The following PAM variants were observed in gnomAD, a reference collection of about 807,000 sequenced individuals.
PAM encodes the protein peptidyl-glycine alpha-amidating monooxygenase.
Under a neutral mutation model 122.1 loss-of-function variants are expected in PAM, and 72 were observed. The observed-to-expected ratio is 0.59, with a 90% confidence interval of 0.49 to 0.72. The LOEUF is 0.72. Ranked by LOEUF, PAM falls within the 30% of genes least tolerant of loss-of-function variation. The pLI is 0.00. For missense variants in PAM, 1,106 were observed against 1,183.7 expected (o/e 0.93, Z 0.96); for synonymous variants, 389 against 404.4 (o/e 0.96, Z 0.46).
chr5:102,945,862 G>A (rs780660019), intron 7 of PAM, among the ~76,000 whole-genome samples: 2 of 152,092 alleles, frequency 1.3e-5, no homozygotes, highest in Non-Finnish European at 1.5e-5. Context: ...ACTGTCAAAT[G>A]CTTTTATGAT....
chr5:102,789,478 C>T (rs1181018435), intron 1 of PAM, among the ~76,000 whole-genome samples: 1 of 152,060 alleles, frequency 6.6e-6, no homozygotes, highest in Non-Finnish European at 1.5e-5. Context: ...GAAATTCTGA[C>T]ACGTGCTACA....
At position 102,774,543 on chromosome 5, in the gene PAM, A is replaced by G. The variant is rs542474658; in HGVS notation, c.-374+19195A>G. On this transcript the variant is annotated intron_variant, in intron 1 of 25. Coordinates refer to ENST00000438793, the MANE Select transcript of PAM (RefSeq NM_001177306.2). ...AAAGCAGATAGAAAGCAGACATACA[A>G]CAGTAAAAGCCATGTATGATACAGG... 3.9e-5 allele frequency among the ~76,000 whole-genome samples: 6 copies of G among 152,218 alleles called. No individual in the cohort carries two copies. In the South Asian group the frequency reaches 1.2e-3, roughly 32 times the overall value.
chr5:102,786,699 C>T (rs1033293496), intron 1 of PAM, among the ~76,000 whole-genome samples: 3 of 151,998 alleles, frequency 2.0e-5, no homozygotes, highest in East Asian at 1.9e-4. Context: ...GTCAAAGTTG[C>T]GGGTCAGAAA....
intron 1 of PAM, among the ~76,000 whole-genome samples, chr5:102,862,241 G>A (rs1324410974): frequency 6.7e-6 from 1 of 149,906 alleles, no homozygotes; most frequent in East Asian, 1.9e-4. Context: ...TTTTTAAAGG[G>A]GTGCATAGCA....
chr5:102,934,508 T>G (rs969905222), intron 7 of PAM, among the ~76,000 whole-genome samples: 1 of 152,184 alleles, frequency 6.6e-6, no homozygotes, highest in African/African-American at 2.4e-5. Context: ...TTTTCCTTCT[T>G]TATTCTCAAG....
rs1370083307 is a variant in PAM, at chr5:102,947,034, T to C, written c.575+149T>C. ...ATATGTATTGTCTCATTTTCCTGTA[T>C]GTCAGTAATTGGGCACACTTAGCTG... On this transcript the variant is annotated intron_variant, in intron 8 of 25. Transcript: ENST00000438793. 5 of 686,200 alleles carry C rather than the reference T, an allele frequency of 7.3e-6. No individual in the cohort carries two copies. The African/African-American group carries it at 9.0e-5, about 12-fold the overall frequency. 42.5% of individuals were successfully genotyped at this position (686,200 alleles called of 1,614,324 possible).
At chr5:102,990,220 GA>G in intron 15 of PAM, 51 bp from the exon 16 acceptor site, 1 of 1,382,346 alleles carries the variant, frequency 7.2e-7, no homozygotes, top group Non-Finnish European at 9.6e-7. Flanking sequence ...GAATCCTCAT[GA>G]GGCAATTCGA....
chr5:102,985,523 A>G (rs1003403984), intron 15 of PAM, among the ~76,000 whole-genome samples: 1 of 152,062 alleles, frequency 6.6e-6, no homozygotes, highest in Non-Finnish European at 1.5e-5. Flanking sequence ...TCCTGGATGC[A>G]TATAACCTAC....
At chr5:102,845,225 CATGAG>C (rs1244080251) in intron 1 of PAM, among the ~76,000 whole-genome samples, 1 of 152,096 alleles carries the variant, frequency 6.6e-6, no homozygotes, top group East Asian at 1.9e-4. Context: ...GGATGCTGCA[CATGAG>C]ATGAGAGGAG....
At chr5:102,867,445 A>G in intron 3 of PAM, 52 bp downstream of exon 3, 1 of 1,429,622 alleles carries the variant, frequency 7.0e-7, no homozygotes. Flanking sequence ...ACAATCTATA[A>G]TTAAAGTAAG....
chr5:102,890,171 TGC>T (rs1794372119), intron 3 of PAM, among the ~76,000 whole-genome samples: 1 of 151,882 alleles, frequency 6.6e-6, no homozygotes, highest in Non-Finnish European at 1.5e-5. Context: ...TTTGTGCTGG[TGC>T]ATCTAGAGGC....
intron 1 of PAM, among the ~76,000 whole-genome samples, chr5:102,779,902 TATATATATATATATATACACAC>T (rs1225562903): frequency 6.8e-5 from 7 of 103,174 alleles, no homozygotes; most frequent in Admixed American, 6.0e-4. Context: ...TATATATATA[TATATATATATATATATACACAC>T]ATATATATAT....
chr5:102,758,086 T>G (rs1405832295), intron 1 of PAM, among the ~76,000 whole-genome samples: 97 of 43,776 alleles, frequency 2.2e-3, no homozygotes, highest in Non-Finnish European at 3.6e-3. Flanking sequence ...TTTTTTTTTT[T>G]TTTTTTTTTT....
At chr5:102,937,111 T>G (rs966833681) in intron 7 of PAM, among the ~76,000 whole-genome samples, 7 of 152,290 alleles carry the variant, frequency 4.6e-5, no homozygotes, top group African/African-American at 1.7e-4. Flanking sequence ...TTTTCTTAAC[T>G]TTTTCACAAA....
chr5:102,977,091 T>C (rs1250779093), intron 15 of PAM, among the ~76,000 whole-genome samples: 1 of 152,194 alleles, frequency 6.6e-6, no homozygotes, highest in African/African-American at 2.4e-5. Flanking sequence ...GGAACTGTAA[T>C]ATGATGATGA....
At chr5:102,839,814 C>T (rs1778109493) in intron 1 of PAM, among the ~76,000 whole-genome samples, 1 of 152,012 alleles carries the variant, frequency 6.6e-6, no homozygotes, top group South Asian at 2.1e-4. Context: ...ACCAAAAATA[C>T]TTAATAAAAT....
chr5:103,011,996 A>T (rs1780767124), intron 21 of PAM, among the ~76,000 whole-genome samples: 1 of 152,132 alleles, frequency 6.6e-6, no homozygotes. Flanking sequence ...TTCGATTTGC[A>T]TTTCTCTGAT....
chr5:102,850,522 T>A (rs1437455336), intron 1 of PAM, among the ~76,000 whole-genome samples: 1 of 152,210 alleles, frequency 6.6e-6, no homozygotes, highest in Non-Finnish European at 1.5e-5. Context: ...CATCTTTTTG[T>A]GTGAGTAGGC....
At chr5:102,886,647 T>C (rs59586300) in intron 3 of PAM, among the ~76,000 whole-genome samples, 10,167 of 152,108 alleles carry the variant, frequency 0.067, 773 homozygotes, top group East Asian at 0.18. Context: ...AACCATTATA[T>C]TGTCACTAAT....
Sources: allele counts gnomAD v4.1 joint callset (sites outside exome capture counted in the v4.1 genomes callset), GRCh38; gene constraint gnomAD v4.1.1; transcripts MANE v1.5; gene names NCBI Gene and HGNC (gene_info 2026-07-23, HGNC 2026-07-21).